Variants in TRHR observed in about 807,000 individuals in gnomAD.
The protein encoded by TRHR is thyrotropin releasing hormone receptor.
Under a neutral mutation model 28.0 loss-of-function variants are expected in TRHR, and 14 were observed. That is an observed-to-expected ratio of 0.50 (90% confidence interval 0.33 to 0.78). TRHR has a LOEUF of 0.78. Among genes scored for constraint, TRHR ranks in the 30% least tolerant of loss-of-function variants. The pLI is 0.02. For synonymous variants in TRHR, 176 were observed against 171.9 expected (o/e 1.02, Z -0.18); for missense variants, 438 against 469.5 (o/e 0.93, Z 0.62).
At chr8:109,113,872 G>GAT (rs1415571474) in intron 2 of TRHR, among the ~76,000 whole-genome samples, 1 of 152,060 alleles carries the variant, frequency 6.6e-6, no homozygotes, top group Admixed American at 6.6e-5. Context: ...TGCTAGAAGA[G>GAT]ATAACCCAAT....
At position 109,087,701 on chromosome 8, in the gene TRHR, C is replaced by T. The variant is rs749249266; in HGVS notation, c.189C>T (p.Tyr63=). The change falls in exon 2 of 3, where the codon TAC becomes TAT. Residue 63 remains tyrosine, a synonymous_variant. Coordinates refer to ENST00000518632, the MANE Select transcript of TRHR (RefSeq NM_003301.7). ...TKHMRTPTNC[Y]LVSLAVADLM... ...ACATGAGGACCCCCACAAACTGCTA[C>T]CTGGTGAGCCTGGCAGTAGCTGATC... 6.2e-7 allele frequency: 1 copy of T among 1,614,128 alleles called. No individual in the cohort carries two copies. Among genetic ancestry groups the T allele is most frequent in the South Asian group, 1.1e-5 (1 of 91,070 alleles).
At chr8:109,101,766 AC>A in intron 2 of TRHR, among the ~76,000 whole-genome samples, 1 of 152,294 alleles carries the variant, frequency 6.6e-6, no homozygotes, top group South Asian at 2.1e-4. Context: ...CTCAGAAGAA[AC>A]ATATAGACTG....
chr8:109,090,474 G>C (rs1179146567), intron 2 of TRHR, among the ~76,000 whole-genome samples: 3 of 152,178 alleles, frequency 2.0e-5, no homozygotes. Context: ...TAACACCACT[G>C]TCAGTTAGCC....
intron 2 of TRHR, among the ~76,000 whole-genome samples, chr8:109,110,989 C>G (rs1039811114): frequency 3.3e-5 from 5 of 152,072 alleles, no homozygotes; most frequent in African/African-American, 1.2e-4. Context: ...AACCCCGTCT[C>G]TACAAAATAC....
intron 2 of TRHR, among the ~76,000 whole-genome samples, chr8:109,089,167 G>A (rs1811488241): frequency 6.6e-6 from 1 of 151,948 alleles, no homozygotes; most frequent in Non-Finnish European, 1.5e-5. Context: ...ATATACAATT[G>A]TTCTAGGTTA....
At chr8:109,099,731 GA>G (rs1811648248) in intron 2 of TRHR, among the ~76,000 whole-genome samples, 3 of 152,270 alleles carry the variant, frequency 2.0e-5, no homozygotes, top group Admixed American at 2.0e-4. Context: ...TTTCAAAAAA[GA>G]AAACACTGCA....
In TRHR at chr8:109,088,211, A is replaced by G. The variant is rs139005612; in HGVS notation, c.699A>G (p.Thr233=). 5.3e-5 allele frequency: 86 copies of G among 1,614,034 alleles called. 1 individual carries two copies. The South Asian group carries it at 5.6e-4, about 11-fold the overall frequency. ...CAGATCCTAAAGAAAACTCTAAGAC[A>G]TGGAAAAATGATTCAACCCATCAGA... ...IPSDPKENSK[T]WKNDSTHQNT... Residue 233 remains threonine, a synonymous_variant, in exon 2 of 3, where the codon ACA becomes ACG. Coordinates refer to ENST00000518632, the MANE Select transcript of TRHR (RefSeq NM_003301.7).
chr8:109,119,564 C>A lies in TRHR; in HGVS notation c.*109C>A. ...ATATGTGAAGACAGAGCAGATCAGT[C>A]TTTGTCAATGCTCTAACAAATTCTG... On this transcript the variant is annotated 3_prime_UTR_variant, in exon 3 of 3. Coordinates refer to ENST00000518632, the MANE Select transcript of TRHR (RefSeq NM_003301.7). The A allele has an allele frequency of 7.6e-7, 1 of 1,323,022 alleles. No homozygotes were observed. 82.0% of individuals were successfully genotyped at this position (1,323,022 alleles called of 1,614,324 possible). A position where few individuals can be genotyped will look rare whatever the true frequency, so the allele number is the denominator to read the frequency against.
At chr8:109,092,719 T>C (rs565670927) in intron 2 of TRHR, among the ~76,000 whole-genome samples, 1 of 152,168 alleles carries the variant, frequency 6.6e-6, no homozygotes, top group South Asian at 2.1e-4. Flanking sequence ...GATTACAGGC[T>C]TGAGCCACCG....
intron 2 of TRHR, among the ~76,000 whole-genome samples, chr8:109,093,692 C>T (rs958260066): frequency 6.6e-6 from 1 of 151,966 alleles, no homozygotes; most frequent in African/African-American, 2.4e-5. Flanking sequence ...GCATGAGCCA[C>T]CATGCCCGGC....
chr8:109,119,368 C>A lies in TRHR; in HGVS notation c.1110C>A (p.Ile370=), dbSNP rs1811970134. The A allele has an allele frequency of 6.2e-7, 1 of 1,612,376 alleles. No homozygotes were observed. The part of the protein sequence containing the change: ...SDHFSTELDD[I]TVTDTYLSAT... ...ATTTCAGCACAGAGCTTGATGATAT[C>A]ACTGTCACTGACACTTACCTGTCTG... is the stretch of plus-strand genomic sequence containing the variant. Residue 370 remains isoleucine (I), a synonymous_variant, in exon 3 of 3, where the codon ATC becomes ATA. Coordinates refer to ENST00000518632, the MANE Select transcript of TRHR (RefSeq NM_003301.7).
At chr8:109,097,081 T>C (rs534099647) in intron 2 of TRHR, among the ~76,000 whole-genome samples, 3 of 152,192 alleles carry the variant, frequency 2.0e-5, no homozygotes, top group Non-Finnish European at 4.4e-5. Context: ...TAGGACAGGC[T>C]GATTTGGAAA....
At chr8:109,101,024 A>G (rs1274699612) in intron 2 of TRHR, among the ~76,000 whole-genome samples, 2 of 152,184 alleles carry the variant, frequency 1.3e-5, no homozygotes, top group Non-Finnish European at 2.9e-5. Context: ...TATATATATG[A>G]AAGATTTGGA....
intron 1 of TRHR, 50 bp from the exon 2 acceptor site, chr8:109,087,375 G>A: frequency 1.1e-6 from 1 of 931,990 alleles, no homozygotes. Flanking sequence ...ATTGGGACTT[G>A]ATCAGAAATT....
intron 2 of TRHR, among the ~76,000 whole-genome samples, chr8:109,112,522 C>T (rs780863759): frequency 6.6e-6 from 1 of 151,678 alleles, no homozygotes; most frequent in East Asian, 1.9e-4. Context: ...TCCTTTTTTC[C>T]CTCCCAGGAA....
In TRHR at chr8:109,086,816, A is replaced by C. The variant is rs993811870; in HGVS notation, c.-156A>C. ...AATAGAGTAGACAAGATTTTCTGCA[A>C]GATTAGAAACTTGGAACTATTACCA... is the stretch of plus-strand genomic sequence containing the variant. On this transcript the variant is annotated 5_prime_UTR_variant, in exon 1 of 3. Transcript: ENST00000518632. 3 of 152,726 alleles carry C rather than the reference A, an allele frequency of 2.0e-5. No individual in the cohort carries two copies. The highest frequency in any genetic ancestry group is 7.2e-5 in the African/African-American group (3 of 41,572). 9.5% of individuals were successfully genotyped at this position (152,726 alleles called of 1,614,324 possible).
chr8:109,104,137 A>G (rs1356990160), intron 2 of TRHR, among the ~76,000 whole-genome samples: 1 of 152,170 alleles, frequency 6.6e-6, no homozygotes, highest in Non-Finnish European at 1.5e-5. Flanking sequence ...TGCTATCTTT[A>G]AAGAGTTACA....
At chr8:109,115,645 C>T (rs1190103981) in intron 2 of TRHR, among the ~76,000 whole-genome samples, 1 of 152,196 alleles carries the variant, frequency 6.6e-6, no homozygotes, top group Non-Finnish European at 1.5e-5. Flanking sequence ...GTGATTTTTG[C>T]ACATTGATTT....
At chr8:109,104,937 T>C (rs549553504) in intron 2 of TRHR, among the ~76,000 whole-genome samples, 7 of 152,130 alleles carry the variant, frequency 4.6e-5, no homozygotes, top group African/African-American at 7.2e-5. Context: ...CTGAGCAACA[T>C]AGAAACACCC....
Sources: allele counts gnomAD v4.1 joint callset (sites outside exome capture counted in the v4.1 genomes callset), GRCh38; gene constraint gnomAD v4.1.1; transcripts MANE v1.5; gene names NCBI Gene and HGNC (gene_info 2026-07-23, HGNC 2026-07-21).